Variants in ASAP1 observed in about 807,000 individuals in gnomAD.
ASAP1 encodes ArfGAP with SH3 domain, ankyrin repeat and PH domain 1.
A neutral mutation model predicts 145.2 loss-of-function variants in ASAP1; 43 were observed. The observed-to-expected ratio is 0.30, with a 90% CI of 0.23 to 0.38. The LOEUF (loss-of-function observed/expected upper bound fraction) is 0.38. Ranked by LOEUF, ASAP1 falls within the 10% of genes least tolerant of loss-of-function variation. The pLI is 1.00. For synonymous variants in ASAP1, 546 were observed against 515.5 expected, an observed-to-expected ratio of 1.06 and a Z score of -0.80; for missense variants, 1,018 against 1,355.3, an observed-to-expected ratio of 0.75 and a Z score of 3.91.
At chr8:130,380,199 G>T (rs748763889) in intron 2 of ASAP1, among the ~76,000 whole-genome samples, 1 of 152,168 alleles carries the variant, frequency 6.6e-6, no homozygotes, top group Non-Finnish European at 1.5e-5. Context: ...ATAAAACAGC[G>T]GCAGAAAGGA....
intron 3 of ASAP1, among the ~76,000 whole-genome samples, chr8:130,330,039 A>G (rs889295860): frequency 7.9e-5 from 12 of 152,178 alleles, no homozygotes; most frequent in African/African-American, 2.7e-4. Context: ...TAATTCCTCA[A>G]TTTGTCAAAC....
intron 5 of ASAP1, among the ~76,000 whole-genome samples, chr8:130,211,740 A>C (rs550899800): frequency 5.3e-5 from 8 of 151,700 alleles, no homozygotes; most frequent in Admixed American, 2.6e-4. Context: ...TTTAGTATTT[A>C]GCATAGACCT....
chr8:130,299,034 A>G (rs1163329962), intron 3 of ASAP1, among the ~76,000 whole-genome samples: 2 of 152,216 alleles, frequency 1.3e-5, no homozygotes, highest in Non-Finnish European at 2.9e-5. Flanking sequence ...AACGAAATGA[A>G]TGGCCTCTTA....
intron 1 of ASAP1, among the ~76,000 whole-genome samples, chr8:130,443,023 CG>C (rs1830540489): frequency 6.6e-6 from 1 of 152,124 alleles, no homozygotes; most frequent in Admixed American, 6.5e-5. Flanking sequence ...GGGTAGGGGC[CG>C]GGGGCCGCGG....
intron 3 of ASAP1, among the ~76,000 whole-genome samples, chr8:130,301,110 C>A (rs1184496877): frequency 6.6e-6 from 1 of 152,138 alleles, no homozygotes; most frequent in Non-Finnish European, 1.5e-5. Context: ...TATGGGGACC[C>A]AGCATAAGCA....
intron 9 of ASAP1, among the ~76,000 whole-genome samples, chr8:130,169,705 C>T (rs958202087): frequency 1.1e-4 from 16 of 152,354 alleles, no homozygotes; most frequent in Non-Finnish European, 8.8e-5. Context: ...CCCAGTACTG[C>T]ACTGAACACT....
chr8:130,166,676 G>C (rs1413696882), intron 11 of ASAP1, among the ~76,000 whole-genome samples: 1 of 152,044 alleles, frequency 6.6e-6, no homozygotes, highest in Non-Finnish European at 1.5e-5. Flanking sequence ...AGGGACTAAA[G>C]CTTAGTACCT....
At chr8:130,084,093 G>A (rs16904201) in intron 25 of ASAP1, 16,006 of 152,234 alleles carry the variant, frequency 0.11, 1,024 homozygotes, top group African/African-American at 0.18. Flanking sequence ...GCGCCAGGCC[G>A]ATAACACCAC....
At chr8:130,151,863 G>A (rs1356706950) in intron 13 of ASAP1, among the ~76,000 whole-genome samples, 2 of 152,182 alleles carry the variant, frequency 1.3e-5, no homozygotes, top group African/African-American at 4.8e-5. Flanking sequence ...ACTAATGTCA[G>A]ACAGACACCC....
At chr8:130,097,126 CAAAAAAAAAAAAAAAAAAA>C (rs61591724) in intron 24 of ASAP1, among the ~76,000 whole-genome samples, 45 of 53,590 alleles carry the variant, frequency 8.4e-4, no homozygotes, top group Middle Eastern at 0.033. Flanking sequence ...AGTTAGTCTC[CAAAAAAAAAAAAAAAAAAA>C]AAAAAAAAAA....
At chr8:130,413,538 G>C (rs995889673) in intron 1 of ASAP1, among the ~76,000 whole-genome samples, 8 of 152,134 alleles carry the variant, frequency 5.3e-5, no homozygotes, top group African/African-American at 1.9e-4. Context: ...AGAATCAAAG[G>C]AAATAAAGTA....
intron 1 of ASAP1, among the ~76,000 whole-genome samples, chr8:130,437,718 G>C (rs1434864804): frequency 2.6e-5 from 4 of 152,224 alleles, no homozygotes; most frequent in African/African-American, 9.6e-5. Context: ...GGTTTTGAAA[G>C]AGGAAATGTC....
chr8:130,248,005 A>G (rs1204378442), intron 3 of ASAP1, among the ~76,000 whole-genome samples: 3 of 152,188 alleles, frequency 2.0e-5, no homozygotes, highest in Non-Finnish European at 2.9e-5. Flanking sequence ...GCCCTTTAAA[A>G]TACTGGTGAC....
Position 130,054,592 on chromosome 8 carries a change from ATTATATCCCCCTCC to A in ASAP1, c.*125_*138del, listed in dbSNP as rs1397570813. Reference sequence around the variant, plus strand: ...AAACCACAGGATATTTACAACACACATTATATCCCCCTCCTGAGGTGGCCCTTCCATGAGTTTCT... The same window carrying A: ...AAACCACAGGATATTTACAACACACATGAGGTGGCCCTTCCATGAGTTTCT... On this transcript the variant is annotated 3_prime_UTR_variant, in exon 30 of 30. Coordinates refer to ENST00000518721, the MANE Select transcript of ASAP1 (RefSeq NM_018482.4). 5.7e-6 allele frequency: 4 copies of A among 700,342 alleles called. No homozygotes were observed. Among genetic ancestry groups the A allele is most frequent in the Non-Finnish European group, 1.0e-5 (4 of 394,470 alleles). The allele number at this position is 700,342 out of a possible 1,614,324, so 43.4% of individuals were successfully genotyped here. A position where few individuals can be genotyped will look rare whatever the true frequency, so the allele number is the denominator to read the frequency against.
At chr8:130,235,299 AAT>A (rs1223376808) in intron 4 of ASAP1, among the ~76,000 whole-genome samples, 1 of 152,132 alleles carries the variant, frequency 6.6e-6, no homozygotes, top group Non-Finnish European at 1.5e-5. Flanking sequence ...TAATACTTTA[AAT>A]ATATTTTTAT....
chr8:130,154,534 C>T (rs920583904), intron 12 of ASAP1, among the ~76,000 whole-genome samples: 2 of 152,136 alleles, frequency 1.3e-5, no homozygotes, highest in African/African-American at 2.4e-5. Context: ...GTTTTGAAGG[C>T]CTTCTGTTGC....
intron 5 of ASAP1, among the ~76,000 whole-genome samples, chr8:130,214,065 G>C (rs1816743893): frequency 6.6e-6 from 1 of 152,178 alleles, no homozygotes; most frequent in Non-Finnish European, 1.5e-5. Flanking sequence ...AAAGGATGTG[G>C]GGAGTTGAGG....
At chr8:130,295,303 C>T (rs1263113383) in intron 3 of ASAP1, among the ~76,000 whole-genome samples, 3 of 151,994 alleles carry the variant, frequency 2.0e-5, no homozygotes, top group Admixed American at 2.0e-4. Flanking sequence ...CCTAAATTCT[C>T]TCCCAGATAA....
At chr8:130,293,219 G>C (rs191648312) in intron 3 of ASAP1, among the ~76,000 whole-genome samples, 1 of 152,262 alleles carries the variant, frequency 6.6e-6, no homozygotes, top group East Asian at 1.9e-4. Context: ...GGTCTGACGA[G>C]GAGGCTCAGA....
Sources: allele counts gnomAD v4.1 joint callset (sites outside exome capture counted in the v4.1 genomes callset), GRCh38; gene constraint gnomAD v4.1.1; transcripts MANE v1.5; gene names NCBI Gene and HGNC (gene_info 2026-07-23, HGNC 2026-07-21).